Variants in LINGO2 observed in about 807,000 individuals in gnomAD.
The protein encoded by LINGO2 is leucine rich repeat and Ig domain containing 2, also known as leucine-rich repeat and immunoglobulin-like domain-containing nogo receptor-interacting protein 2.
A neutral mutation model predicts 30.6 loss-of-function variants in LINGO2; 14 were observed. The ratio of observed to expected loss-of-function variants is 0.46; its 90% CI spans 0.30 to 0.72. LINGO2 has a LOEUF of 0.72. Ranked by LOEUF, LINGO2 falls within the 30% of genes least tolerant of loss-of-function variation. The pLI is 0.07. For synonymous variants in LINGO2, 317 were observed against 288.5 expected, an observed-to-expected ratio of 1.10 and a Z score of -1.00; for missense variants, 729 against 751.7, an observed-to-expected ratio of 0.97 and a Z score of 0.35.
chr9:28,450,526 T>A (rs755845824), intron 2 of LINGO2, among the ~76,000 whole-genome samples: 11 of 152,012 alleles, frequency 7.2e-5, no homozygotes, highest in Non-Finnish European at 1.3e-4. Flanking sequence ...TAGATTAGGA[T>A]CCTTTTGCTC....
chr9:28,155,550 A>T (rs1180426158), intron 4 of LINGO2, among the ~76,000 whole-genome samples: 2 of 152,194 alleles, frequency 1.3e-5, no homozygotes, highest in Non-Finnish European at 2.9e-5. Context: ...ACGTTTGTGG[A>T]AATGAAGTTT....
chr9:28,257,367 A>T (rs1463866018), intron 4 of LINGO2, among the ~76,000 whole-genome samples: 1 of 151,852 alleles, frequency 6.6e-6, no homozygotes, highest in African/African-American at 2.4e-5. Flanking sequence ...TAAATAATTC[A>T]TCAAGACAGA....
chr9:28,505,745 C>T (rs965037227), intron 1 of LINGO2, among the ~76,000 whole-genome samples: 1 of 151,848 alleles, frequency 6.6e-6, no homozygotes, highest in African/African-American at 2.4e-5. Flanking sequence ...AATTCCGAGG[C>T]TATCATTAGT....
chr9:28,320,826 TC>T (rs1319674103), intron 3 of LINGO2, among the ~76,000 whole-genome samples: 2 of 152,168 alleles, frequency 1.3e-5, no homozygotes, highest in Non-Finnish European at 2.9e-5. Context: ...CCCTTCTGTT[TC>T]CTTCTTGACG....
At chr9:29,191,662 T>C in the LINGO2 span, among the ~76,000 whole-genome samples, 7 of 152,170 alleles carry the variant, frequency 4.6e-5, no homozygotes, top group Non-Finnish European at 1.0e-4. Context: ...CTAGTTTCTC[T>C]ACATCATTAA....
At chr9:29,014,227 A>C in the LINGO2 span, among the ~76,000 whole-genome samples, 1 of 152,116 alleles carries the variant, frequency 6.6e-6, no homozygotes, top group Non-Finnish European at 1.5e-5. Flanking sequence ...ACCACCACCA[A>C]TTTTGGAGAG....
intron 2 of LINGO2, among the ~76,000 whole-genome samples, chr9:28,426,029 T>C (rs1823397015): frequency 6.6e-6 from 1 of 152,116 alleles, no homozygotes; most frequent in Non-Finnish European, 1.5e-5. Flanking sequence ...TAGAGTCATT[T>C]GTTTTGAAGT....
chr9:28,930,680 T>C, the LINGO2 span, among the ~76,000 whole-genome samples: 1 of 152,124 alleles, frequency 6.6e-6, no homozygotes, highest in Non-Finnish European at 1.5e-5. The surrounding 1 kb of genome is among the most constrained non-coding windows in gnomAD (Gnocchi z 4.2). Context: ...ATTATCGAGA[T>C]AGGGAAGAAG....
In LINGO2 at chr9:28,068,337, T is replaced by A. The variant is rs763550841; in HGVS notation, c.-86-55932A>T. On this transcript the variant is annotated intron_variant, in intron 4 of 5. Coordinates refer to ENST00000379992, the Ensembl canonical transcript of LINGO2. ...CTTATAGGGAGCCACCATCTTGCTG[T>A]GTGCTCACAATGCCTCTTCTTTGTG... is the stretch of plus-strand genomic sequence containing the variant. Among the ~76,000 whole-genome samples the A allele has an allele frequency of 3.3e-5, 5 of 152,144 alleles. No individual in the cohort carries two copies. The East Asian group carries it at 5.8e-4, about 18-fold the overall frequency.
chr9:29,000,927 T>A, the LINGO2 span, among the ~76,000 whole-genome samples: 1 of 152,112 alleles, frequency 6.6e-6, no homozygotes, highest in Non-Finnish European at 1.5e-5. Flanking sequence ...TGAACCATTT[T>A]AATAGGTTAT....
chr9:29,159,500 T>C, the LINGO2 span, among the ~76,000 whole-genome samples: 2 of 152,180 alleles, frequency 1.3e-5, no homozygotes, highest in African/African-American at 4.8e-5. Context: ...GCATAACTTA[T>C]CATGAAACTT....
chr9:28,997,545 C>T, the LINGO2 span, among the ~76,000 whole-genome samples: 32 of 152,056 alleles, frequency 2.1e-4, no homozygotes, highest in Non-Finnish European at 3.5e-4. Flanking sequence ...AATAGTTGGC[C>T]GGGTGCAGTG....
chr9:28,608,276 AG>A lies in LINGO2; in HGVS notation c.-365+61923del, dbSNP rs567147165. On this transcript the variant is annotated intron_variant, in intron 1 of 5. Transcript: ENST00000379992. ...TATTTTAGAACACACTGACATGGTAAGGCTCTTTATAATAATGAATCTTTTA... is the reference window on the plus strand; with the variant it reads ...TATTTTAGAACACACTGACATGGTAAGCTCTTTATAATAATGAATCTTTTA... 1.1e-3 allele frequency among the ~76,000 whole-genome samples: 160 copies of A among 152,056 alleles called. 1 individual carries two copies. The highest frequency in any genetic ancestry group is 2.0e-3 in the Non-Finnish European group (134 of 67,898).
intron 4 of LINGO2, among the ~76,000 whole-genome samples, chr9:28,106,972 G>C (rs1826612642): frequency 6.6e-6 from 1 of 152,126 alleles, no homozygotes; most frequent in Non-Finnish European, 1.5e-5. Context: ...GCTTTCTCAT[G>C]AAGTTTCCAT....
the LINGO2 span, among the ~76,000 whole-genome samples, chr9:28,864,434 C>T: frequency 6.6e-6 from 1 of 152,094 alleles, no homozygotes; most frequent in African/African-American, 2.4e-5. Context: ...TAAAGTTACT[C>T]TCCTTTGCAA....
intron 3 of LINGO2, among the ~76,000 whole-genome samples, chr9:28,336,514 C>A (rs769634009): frequency 6.6e-6 from 1 of 152,210 alleles, no homozygotes; most frequent in East Asian, 1.9e-4. Context: ...ACTTTCTATA[C>A]ATCCTTTCCA....
the LINGO2 span, among the ~76,000 whole-genome samples, chr9:29,157,562 T>C: frequency 2.0e-5 from 3 of 152,178 alleles, no homozygotes; most frequent in African/African-American, 4.8e-5. Flanking sequence ...TAGTAAGACA[T>C]TGCATATGGG....
intron 1 of LINGO2, among the ~76,000 whole-genome samples, chr9:28,477,801 A>G (rs1825787995): frequency 6.6e-6 from 1 of 152,204 alleles, no homozygotes. Context: ...TTTGGTTAAA[A>G]TTATTCAATG....
At chr9:28,437,275 G>A (rs139183896) in intron 2 of LINGO2, among the ~76,000 whole-genome samples, 11 of 152,192 alleles carry the variant, frequency 7.2e-5, no homozygotes, top group Non-Finnish European at 8.8e-5. Flanking sequence ...TTTGTACTTC[G>A]TAACTCTAGA....
Sources: gnomAD v4.1 joint callset for allele counts (sites outside exome capture counted in the v4.1 genomes callset) on GRCh38, gnomAD v4.1.1 for gene constraint, Gnocchi (gnomAD v3.1) non-coding constraint, MANE v1.5 for transcripts, NCBI Gene and HGNC (gene_info 2026-07-23, HGNC 2026-07-21) for gene names.